The following ZNF138 variants were observed in gnomAD, a reference collection of about 807,000 sequenced individuals.
The protein encoded by ZNF138 is zinc finger protein 138 (clone pHZ-32).
A neutral mutation model predicts 33.0 loss-of-function variants in ZNF138; 33 were observed. The ratio of observed to expected loss-of-function variants is 1.00; its 90% CI spans 0.76 to 1.34. The LOEUF is 1.34. Ranked by LOEUF, ZNF138 falls within the 40% of genes most tolerant of loss-of-function variation. ZNF138 has a pLI of 0.00. For synonymous variants in ZNF138, 139 were observed against 120.4 expected (o/e 1.15, Z -1.01); for missense variants, 360 against 370.8 (o/e 0.97, Z 0.24).
intron 1 of ZNF138, among the ~76,000 whole-genome samples, chr7:64,797,362 G>A (rs1018136162): frequency 5.9e-5 from 9 of 152,136 alleles, no homozygotes; most frequent in Non-Finnish European, 1.2e-4. Flanking sequence ...TGTGACGTAA[G>A]TGCTTTAAAA....
At chr7:64,810,437 G>GGGAGAT (rs1158413116) in intron 1 of ZNF138, among the ~76,000 whole-genome samples, 1 of 103,700 alleles carries the variant, frequency 9.6e-6, no homozygotes, top group Non-Finnish European at 2.1e-5. Context: ...GGAGACCGTG[G>GGGAGAT]GGAGAGGGAG....
In ZNF138 at chr7:64,833,095, A is replaced by T; in HGVS notation, c.*893A>T. On this transcript the variant is annotated 3_prime_UTR_variant, in exon 4 of 4. Coordinates refer to ENST00000307355, the MANE Select transcript of ZNF138 (RefSeq NM_001271639.2). ...ACTGGAGCAAAACCTTGGAAATTCA[A>T]AGAATGTGGTAAAACTTACAATCCT... 3.4e-6 allele frequency: 1 copy of T among 291,770 alleles called. No homozygotes were observed. Among genetic ancestry groups the T allele is most frequent in the South Asian group, 3.5e-5 (1 of 28,832 alleles). 18.1% of individuals were successfully genotyped at this position (291,770 alleles called of 1,614,324 possible).
chr7:64,833,679 CAGCA>C (rs1424622887), exon 4 of ZNF138: 1 of 149,582 alleles, frequency 6.7e-6, no homozygotes, highest in African/African-American at 2.5e-5. Context: ...TGTCAAAACT[CAGCA>C]TAAGGTTTTG....
chr7:64,832,226 T>A lies in ZNF138; in HGVS notation c.*24T>A. The stretch of plus-strand genomic sequence containing the variant: ...AACAACTTACTGAACATAAGAAAAT[T>A]TACACTAGAGAGAAAGCCTACAAAT... On this transcript the variant is annotated 3_prime_UTR_variant, in exon 4 of 4. Coordinates refer to ENST00000307355, the MANE Select transcript of ZNF138 (RefSeq NM_001271639.2). The A allele has an allele frequency of 6.2e-7, 1 of 1,602,530 alleles. No homozygotes were observed. Among genetic ancestry groups the A allele is most frequent in the Non-Finnish European group, 8.5e-7 (1 of 1,176,714 alleles).
At chr7:64,823,061 G>A (rs913035788) in intron 3 of ZNF138, among the ~76,000 whole-genome samples, 23 of 151,608 alleles carry the variant, frequency 1.5e-4, no homozygotes, top group African/African-American at 5.6e-4. Flanking sequence ...TGTATTTTTA[G>A]TAGAGACGGG....
chr7:64,832,209 A>T lies in ZNF138; in HGVS notation c.*7A>T. 3 of 1,604,028 alleles carry T rather than the reference A, an allele frequency of 1.9e-6. No homozygotes were observed. The highest frequency in any genetic ancestry group is 2.5e-6 in the Non-Finnish European group (3 of 1,177,064). On this transcript the variant is annotated 3_prime_UTR_variant, in exon 4 of 4. Transcript: ENST00000307355. ...AGCTTTTAACCTATCTTAACAACTT[A>T]CTGAACATAAGAAAATTTACACTAG...
At chr7:64,813,807 G>T (rs1788383120) in intron 1 of ZNF138, among the ~76,000 whole-genome samples, 1 of 152,070 alleles carries the variant, frequency 6.6e-6, no homozygotes, top group Non-Finnish European at 1.5e-5. Context: ...GTGATGCCGT[G>T]TTTTTCTGTG....
the ZNF138 span, chr7:64,852,740 C>G: frequency 3.1e-6 from 3 of 965,018 alleles, no homozygotes; most frequent in South Asian, 3.8e-5. Flanking sequence ...AGCCACTGCC[C>G]CCTGTGTCCC....
chr7:64,803,956 G>T (rs1787366495), intron 1 of ZNF138, among the ~76,000 whole-genome samples: 1 of 152,020 alleles, frequency 6.6e-6, no homozygotes, highest in South Asian at 2.1e-4. Context: ...AATAAACAAG[G>T]GTGATGTGGC....
rs750123890 is a variant in ZNF138, at chr7:64,831,797, T to TA, written c.562dup (p.Ile188AsnfsTer4). The stretch of plus-strand genomic sequence containing the variant: ...GCATGCTTTCACGCCTAACTCAACA[T>TA]AAAAAAATTCATACTAGAGAGAATT... On this transcript the variant is annotated frameshift_variant, in exon 4 of 4. Transcript: ENST00000307355. LOFTEE classifies it high-confidence loss of function. The TA allele has an allele frequency of 1.2e-5, 19 of 1,613,216 alleles. No individual in the cohort carries two copies. Among genetic ancestry groups the TA allele is most frequent in the Non-Finnish European group, 1.6e-5 (19 of 1,179,858 alleles).
At chr7:64,794,599 G>A (rs1192025417) in intron 1 of ZNF138, 28 bp downstream of exon 1, 4 of 1,613,404 alleles carry the variant, frequency 2.5e-6, no homozygotes, top group Non-Finnish European at 3.4e-6. Flanking sequence ...GACATCCCGA[G>A]AGAGGGGGAG....
the ZNF138 span, among the ~76,000 whole-genome samples, chr7:64,841,112 T>C: frequency 6.6e-6 from 1 of 152,156 alleles, no homozygotes; most frequent in Non-Finnish European, 1.5e-5. Context: ...ATAATTTTCT[T>C]GTCTCTTACG....
chr7:64,799,268 T>C (rs1407184977), intron 1 of ZNF138, among the ~76,000 whole-genome samples: 1 of 151,716 alleles, frequency 6.6e-6, no homozygotes, highest in Admixed American at 6.6e-5. Context: ...TGGATTCAAG[T>C]GATTTCTCCT....
chr7:64,815,109 G>A, intron 2 of ZNF138, 65 bp downstream of exon 2: 2 of 1,358,432 alleles, frequency 1.5e-6, no homozygotes, highest in Non-Finnish European at 1.9e-6. Flanking sequence ...TTTTTTTTTG[G>A]GTAGAATGTC....
At chr7:64,805,917 T>G (rs1787557637) in intron 1 of ZNF138, among the ~76,000 whole-genome samples, 2 of 152,232 alleles carry the variant, frequency 1.3e-5, no homozygotes, top group South Asian at 2.1e-4. Flanking sequence ...TGACATGGTG[T>G]TGTAAATTCT....
At chr7:64,852,357 A>G in the ZNF138 span, 5 of 1,290,048 alleles carry the variant, frequency 3.9e-6, no homozygotes, top group Admixed American at 8.1e-5. Flanking sequence ...AAATAGATCT[A>G]TTTAAAAACA....
At chr7:64,846,660 A>C in the ZNF138 span, among the ~76,000 whole-genome samples, 1 of 152,238 alleles carries the variant, frequency 6.6e-6, no homozygotes, top group South Asian at 2.1e-4. Context: ...AGCTTTTTGG[A>C]GGAGTCTTTA....
chr7:64,801,462 G>A (rs1787134101), intron 1 of ZNF138, among the ~76,000 whole-genome samples: 1 of 152,044 alleles, frequency 6.6e-6, no homozygotes, highest in Non-Finnish European at 1.5e-5. Context: ...CCATGTACTT[G>A]TATGGTTTCA....
At chr7:64,860,185 G>T in the ZNF138 span, among the ~76,000 whole-genome samples, 1 of 152,042 alleles carries the variant, frequency 6.6e-6, no homozygotes, top group African/African-American at 2.4e-5. Flanking sequence ...TATTTGTTGG[G>T]TACACTGTCA....
Sources: gnomAD v4.1 joint callset for allele counts (sites outside exome capture counted in the v4.1 genomes callset) on GRCh38, gnomAD v4.1.1 for gene constraint, MANE v1.5 for transcripts, NCBI Gene and HGNC (gene_info 2026-07-23, HGNC 2026-07-21) for gene names.